B4GALT7: variants seen among roughly 807,000 people sequenced by gnomAD.
B4GALT7 encodes the protein UDP-Gal:beta-GlcNAc beta-1,4-galactosyltransferase 7.
A neutral mutation model predicts 33.0 loss-of-function variants in B4GALT7; 30 were observed. The ratio of observed to expected loss-of-function variants is 0.91; its 90% CI spans 0.68 to 1.23. The LOEUF is 1.23. Ranked by LOEUF, B4GALT7 falls within the 50% of genes most tolerant of loss-of-function variation. The pLI, the probability that B4GALT7 is intolerant of heterozygous loss-of-function variation, is 0.00. For missense variants in B4GALT7, 507 were observed against 450.8 expected (o/e 1.12, Z -1.13); for synonymous variants, 213 against 187.2 (o/e 1.14, Z -1.13).
chr5:177,608,752 TGCATGGTCATCTAGCCAGTTC>T lies in B4GALT7; in HGVS notation c.723+131_724-137del. ...TCTGATCCCTGCCCTAACCCTGCCC[TGCATGGTCATCTAGCCAGTTC>T]CTTGCCCTGTGGGCCCCAGTCTCCT... On this transcript the variant is annotated intron_variant, in intron 4 of 5. Coordinates refer to ENST00000029410, the MANE Select transcript of B4GALT7 (RefSeq NM_007255.3). The surrounding 1 kb of genome is among the most constrained non-coding windows in gnomAD (Gnocchi z 4.1). The T allele has an allele frequency of 9.0e-7, 1 of 1,115,786 alleles. No individual in the cohort carries two copies. The highest frequency in any genetic ancestry group is 1.3e-6 in the Non-Finnish European group (1 of 750,802). 69.1% of individuals were successfully genotyped at this position (1,115,786 alleles called of 1,614,324 possible).
intron 2 of B4GALT7, among the ~76,000 whole-genome samples, chr5:177,605,481 A>G (rs140145616): frequency 1.4e-3 from 211 of 152,348 alleles, no homozygotes; most frequent in African/African-American, 4.8e-3. Context: ...GTCCTCACTC[A>G]TAGCTGACGA....
intron 1 of B4GALT7, among the ~76,000 whole-genome samples, chr5:177,602,143 A>G (rs1413252573): frequency 6.6e-6 from 1 of 152,082 alleles, no homozygotes; most frequent in Non-Finnish European, 1.5e-5. Context: ...CACTCTCAGG[A>G]CTGGGCTGTG....
rs1767802908 is a variant in B4GALT7, at chr5:177,600,139, C to T, written c.-72C>T. 5 of 1,134,480 alleles carry T rather than the reference C, an allele frequency of 4.4e-6. No individual in the cohort carries two copies. The highest frequency in any genetic ancestry group is 4.6e-5 in the Admixed American group (1 of 21,564). The allele number at this position is 1,134,480 out of a possible 1,614,324, so 70.3% of individuals were successfully genotyped here. The stretch of plus-strand genomic sequence containing the variant: ...CTGGGCGGAGCGGGAGGCGGAGGCG[C>T]CGCGTAGGCCCGGGAGGCCGGGCCG... On this transcript the variant is annotated 5_prime_UTR_variant, in exon 1 of 6. Transcript: ENST00000029410. The surrounding 1 kb of genome is among the most constrained non-coding windows in gnomAD (Gnocchi z 4.4).
chr5:177,601,193 C>T (rs1767833977), intron 1 of B4GALT7, among the ~76,000 whole-genome samples: 1 of 151,918 alleles, frequency 6.6e-6, no homozygotes, highest in South Asian at 2.1e-4. Flanking sequence ...AAGGGGAAAA[C>T]AGGAATATAA....
chr5:177,602,233 T>C (rs28449232), intron 1 of B4GALT7, among the ~76,000 whole-genome samples: 2,915 of 152,158 alleles, frequency 0.019, 60 homozygotes, highest in African/African-American at 0.05. Flanking sequence ...CCAGGCCACC[T>C]CTCAGCTGCG....
In B4GALT7 at chr5:177,604,400, G is replaced by GC. The variant is rs879255634; in HGVS notation, c.277dup (p.His93ProfsTer73). On this transcript the variant is annotated frameshift_variant, in exon 2 of 6. Coordinates refer to ENST00000029410, the MANE Select transcript of B4GALT7 (RefSeq NM_007255.3). LOFTEE classifies it high-confidence loss of function. ...CACTGGGAAGAAGACGCATCCTGGG[G>GC]CCCCCACCGCCTGGCAGTGCTGGTG... is the stretch of plus-strand genomic sequence containing the variant. The GC allele has an allele frequency of 1.4e-4, 232 of 1,613,732 alleles. No homozygotes were observed. The highest frequency in any genetic ancestry group is 4.9e-4 in the Middle Eastern group (3 of 6,062).
rs28499092 is a variant in B4GALT7 at position 177,604,601 on chromosome 5, C to G, written c.413+60C>G. Reference sequence around the variant, plus strand: ...CCTGCCCGGGCTCAGGCTTCTCAGGCCCTGTGAGAGGCCACCTGGGGCAGG... The same window carrying G: ...CCTGCCCGGGCTCAGGCTTCTCAGGGCCTGTGAGAGGCCACCTGGGGCAGG... On this transcript the variant is annotated intron_variant, in intron 2 of 5. Transcript: ENST00000029410. 1,545,972 of 1,610,014 alleles carry G rather than the reference C, an allele frequency of 0.96. 742,692 individuals carry two copies. Among genetic ancestry groups the G allele is most frequent in the East Asian group, 1 (44,839 of 44,840 alleles).
chr5:177,602,194 G>C (rs189870009), intron 1 of B4GALT7, among the ~76,000 whole-genome samples: 92 of 152,232 alleles, frequency 6.0e-4, no homozygotes, highest in African/African-American at 2.1e-3. Context: ...ATAATGGGGG[G>C]TAAGTCAGAA....
chr5:177,600,269 C>T lies in B4GALT7; in HGVS notation c.50+9C>T, dbSNP rs1180310359. 8.2e-6 allele frequency: 11 copies of T among 1,335,128 alleles called. No homozygotes were observed. Among genetic ancestry groups the T allele is most frequent in the Non-Finnish European group, 1.1e-5 (11 of 1,038,014 alleles). The allele number at this position is 1,335,128 out of a possible 1,614,324, so 82.7% of individuals were successfully genotyped here. On this transcript the variant is annotated intron_variant, in intron 1 of 5. Coordinates refer to ENST00000029410, the MANE Select transcript of B4GALT7 (RefSeq NM_007255.3). This position sits in a 1 kb window ranked among gnomAD's most constrained non-coding sequence, Gnocchi z 4.4. ...CCCTGGGAGGACGGCAGGTGAGCGG[C>T]GGCGGTGGGCCCGGGCCCCGTCCTC...
In B4GALT7 at chr5:177,607,284, C is replaced by G; in HGVS notation, c.414-18C>G. 1 of 1,587,606 alleles carries G rather than the reference C, an allele frequency of 6.3e-7. No individual in the cohort carries two copies. The highest frequency in any genetic ancestry group is 8.6e-7 in the Non-Finnish European group (1 of 1,167,586). ...AGCCCGTGTGCTGCCCCTGCCCAGC[C>G]TTGCCCACCCTGCACAGGTTCAACC... is the stretch of plus-strand genomic sequence containing the variant. On this transcript the variant is annotated intron_variant, in intron 2 of 5. Coordinates refer to ENST00000029410, the MANE Select transcript of B4GALT7 (RefSeq NM_007255.3).
rs1768138502 is a variant in B4GALT7 at position 177,610,120 on chromosome 5, C to G, written c.*425C>G. On this transcript the variant is annotated 3_prime_UTR_variant, in exon 6 of 6. Transcript: ENST00000029410. ...GCAGCTGGCGTAGGTGGCAGTTGGG[C>G]CTGGTGAGGGTTAGGACTTCAGAAA... 1 of 241,478 alleles carries G rather than the reference C, an allele frequency of 4.1e-6. No individual in the cohort carries two copies. Among genetic ancestry groups the G allele is most frequent in the African/African-American group, 2.2e-5 (1 of 45,292 alleles). The allele number at this position is 241,478 out of a possible 1,614,324, so 15.0% of individuals were successfully genotyped here. A position where few individuals can be genotyped will look rare whatever the true frequency, so the allele number is the denominator to read the frequency against.
At chr5:177,603,694 C>G (rs1264528575) in intron 1 of B4GALT7, among the ~76,000 whole-genome samples, 1 of 152,148 alleles carries the variant, frequency 6.6e-6, no homozygotes, top group Non-Finnish European at 1.5e-5. Flanking sequence ...TCTGGTCATT[C>G]TTGGAAGCAG....
chr5:177,602,362 C>A (rs1196184857), intron 1 of B4GALT7, among the ~76,000 whole-genome samples: 1 of 152,162 alleles, frequency 6.6e-6, no homozygotes, highest in African/African-American at 2.4e-5. Flanking sequence ...ACTGCCTTAC[C>A]CCTTTCTGTA....
chr5:177,604,003 G>C, intron 1 of B4GALT7, 176 bp from the exon 2 acceptor site: 2 of 950,824 alleles, frequency 2.1e-6, no homozygotes, highest in Non-Finnish European at 3.2e-6. Context: ...AGGCAAGCAG[G>C]ATTCGGATGC....
In B4GALT7 at chr5:177,600,501, C is replaced by T. The variant is rs568007453; in HGVS notation, c.50+241C>T. ...ACTCGTCCTTCCCCCAGCACCTTCC[C>T]CCCGGCCCGTGGGTCCGTATTTCTC... On this transcript the variant is annotated intron_variant, in intron 1 of 5. Transcript: ENST00000029410. The surrounding 1 kb of genome is among the most constrained non-coding windows in gnomAD (Gnocchi z 4.4). Among the ~76,000 whole-genome samples, 28 of 151,858 alleles carry T rather than the reference C, an allele frequency of 1.8e-4. No homozygotes were observed. In the South Asian group the frequency reaches 5.7e-3, roughly 31 times the overall value.
chr5:177,609,420 C>T (rs1200070942), intron 5 of B4GALT7, 120 bp from the exon 6 acceptor site: 2 of 1,315,290 alleles, frequency 1.5e-6, no homozygotes, highest in East Asian at 2.3e-5. Context: ...GCTTTGAGCT[C>T]TGGGTTCTTC....
At chr5:177,605,810 C>T (rs779234108) in intron 2 of B4GALT7, 11 of 152,936 alleles carry the variant, frequency 7.2e-5, no homozygotes, top group Non-Finnish European at 1.3e-4. Flanking sequence ...TTCTGGCAGA[C>T]CTCCTTCCCT....
At position 177,608,945 on chromosome 5, in the gene B4GALT7, G is replaced by C; in HGVS notation, c.759G>C (p.Lys253Asn). 2 of 1,613,794 alleles carry C rather than the reference G, an allele frequency of 1.2e-6. No individual in the cohort carries two copies. The highest frequency in any genetic ancestry group is 1.7e-6 in the Non-Finnish European group (2 of 1,180,026). The change falls in exon 5 of 6, where the codon AAG (lysine) becomes AAC (asparagine). Residue 253 changes from lysine to asparagine, a missense_variant. By Grantham distance (94) the Lys-to-Asn change is moderately conservative (BLOSUM62 0). Transcript: ENST00000029410. This position sits in a 1 kb window ranked among gnomAD's most constrained non-coding sequence, Gnocchi z 4.1. ...FRPSGITTGY[K>N]TFRHLHDPAW... Reference sequence around the variant, plus strand: ...CCTCGGGAATCACAACTGGGTACAAGACATTTCGCCACCTGCATGACCCAG... The same window carrying C: ...CCTCGGGAATCACAACTGGGTACAACACATTTCGCCACCTGCATGACCCAG...
chr5:177,607,248 C>A (rs2127513138), intron 2 of B4GALT7, 54 bp from the exon 3 acceptor site: 1 of 1,506,972 alleles, frequency 6.6e-7, no homozygotes, highest in East Asian at 2.4e-5. Flanking sequence ...GGTGCTGAGC[C>A]CCAGGCAGTG....
Sources: gnomAD v4.1 joint callset for allele counts (sites outside exome capture counted in the v4.1 genomes callset) on GRCh38, gnomAD v4.1.1 for gene constraint, Gnocchi (gnomAD v3.1) non-coding constraint, MANE v1.5 for transcripts, NCBI Gene and HGNC (gene_info 2026-07-23, HGNC 2026-07-21) for gene names.